Variants in KIAA0513 observed in about 807,000 individuals in gnomAD.
KIAA0513 encodes the protein KIAA0513, also known as uncharacterized protein KIAA0513.
Under a neutral mutation model 56.5 loss-of-function variants are expected in KIAA0513, and 39 were observed. That is an observed-to-expected ratio of 0.69 (90% CI 0.53 to 0.90). The LOEUF (loss-of-function observed/expected upper bound fraction) is 0.90, where lower values mean the gene tolerates loss of function less well. Among genes scored for constraint, KIAA0513 ranks in the 40% least tolerant of loss-of-function variants. The pLI is 0.00. For missense variants in KIAA0513, 591 were observed against 535.2 expected, an observed-to-expected ratio of 1.10 and a Z score of -1.03; for synonymous variants, 268 against 215.6, an observed-to-expected ratio of 1.24 and a Z score of -2.13.
chr16:85,039,215 C>G (rs541369871), intron 1 of KIAA0513, among the ~76,000 whole-genome samples: 2 of 152,362 alleles, frequency 1.3e-5, no homozygotes, highest in Admixed American at 1.3e-4. Flanking sequence ...CCTATTTTAA[C>G]CAGGCCCATT....
intron 2 of KIAA0513, among the ~76,000 whole-genome samples, chr16:85,070,187 A>AAAAAAAG (rs1555523564): frequency 6.8e-6 from 1 of 147,504 alleles, no homozygotes; most frequent in East Asian, 2.0e-4. Flanking sequence ...AAAAAAAGAA[A>AAAAAAAG]AAAGAAAGAA....
intron 1 of KIAA0513, among the ~76,000 whole-genome samples, chr16:85,053,184 C>T (rs543535960): frequency 9.9e-5 from 15 of 152,224 alleles, no homozygotes; most frequent in South Asian, 6.2e-4. Flanking sequence ...CCACCACGCC[C>T]GACCTGGATC....
chr16:85,059,464 G>A (rs2073373697), intron 1 of KIAA0513, among the ~76,000 whole-genome samples: 2 of 152,220 alleles, frequency 1.3e-5, no homozygotes, highest in Non-Finnish European at 2.9e-5. Flanking sequence ...ATAGGAGGCA[G>A]TATCCAGCTA....
At chr16:85,031,985 T>A (rs969913373) in intron 1 of KIAA0513, among the ~76,000 whole-genome samples, 8 of 152,120 alleles carry the variant, frequency 5.3e-5, no homozygotes, top group Non-Finnish European at 8.8e-5. Flanking sequence ...CACCTTTATT[T>A]CTCTCGGGAG....
intron 1 of KIAA0513, among the ~76,000 whole-genome samples, chr16:85,043,366 T>C (rs1428622330): frequency 6.6e-6 from 1 of 150,786 alleles, no homozygotes; most frequent in Non-Finnish European, 1.5e-5. Flanking sequence ...AAACAGGGCA[T>C]GAGATGGCAG....
rs548171026 is a variant in KIAA0513, at chr16:85,057,714, C to T, written c.-172-9186C>T. ...AGTCAGCCAGAGCTAGCCCGTATGC[C>T]AGTGCCTGGTTTAGAGGATCTCCAC... On this transcript the variant is annotated intron_variant, in intron 1 of 12. Transcript: ENST00000683363. Among the ~76,000 whole-genome samples the T allele has an allele frequency of 1.2e-3, 179 of 151,954 alleles. 1 individual carries two copies. Among genetic ancestry groups the T allele is most frequent in the Non-Finnish European group, 1.4e-3 (94 of 68,022 alleles).
intron 1 of KIAA0513, among the ~76,000 whole-genome samples, chr16:85,040,543 T>A (rs1025851112): frequency 6.6e-6 from 1 of 151,830 alleles, no homozygotes; most frequent in Admixed American, 6.6e-5. Flanking sequence ...AAAAAGAAAC[T>A]CCAATGTCCA....
chr16:85,082,769 C>G (rs866874520), intron 10 of KIAA0513, among the ~76,000 whole-genome samples, 176 bp downstream of exon 10: 10 of 152,200 alleles, frequency 6.6e-5, no homozygotes, highest in African/African-American at 2.4e-4. Flanking sequence ...AGCGCTAGGG[C>G]AGGCTGGCAA....
intron 1 of KIAA0513, chr16:85,063,123 T>C (rs999225707): frequency 6.6e-6 from 1 of 152,216 alleles, no homozygotes; most frequent in Non-Finnish European, 1.5e-5. Context: ...TCCTGTGATA[T>C]CGCCTCCGTG....
chr16:85,036,381 C>G (rs7195190), intron 1 of KIAA0513, among the ~76,000 whole-genome samples: 2,144 of 152,312 alleles, frequency 0.014, 57 homozygotes, highest in African/African-American at 0.05. Flanking sequence ...CAGTTTCTGA[C>G]TCTGTGGATT....
chr16:85,074,517 C>T (rs2144052212), intron 4 of KIAA0513, among the ~76,000 whole-genome samples: 1 of 152,324 alleles, frequency 6.6e-6, no homozygotes, highest in South Asian at 2.1e-4. Flanking sequence ...TGCTTCATGT[C>T]TCTCCACTTT....
In KIAA0513 at chr16:85,067,024, C is replaced by G; in HGVS notation, c.-48C>G. 1 of 1,486,888 alleles carries G rather than the reference C, an allele frequency of 6.7e-7. No homozygotes were observed. The highest frequency in any genetic ancestry group is 9.0e-7 in the Non-Finnish European group (1 of 1,114,728). 92.1% of individuals were successfully genotyped at this position (1,486,888 alleles called of 1,614,324 possible). ...GGACACCAGGCTGCTGGGCTCCCCT[C>G]TAGGCAGCCTCCCCTCCAGGCAGCC... On this transcript the variant is annotated 5_prime_UTR_variant, in exon 2 of 13. Transcript: ENST00000683363.
At chr16:85,050,896 C>T (rs67472842) in intron 1 of KIAA0513, among the ~76,000 whole-genome samples, 2,898 of 152,266 alleles carry the variant, frequency 0.019, 82 homozygotes, top group African/African-American at 0.066. Flanking sequence ...TGGTTCATGC[C>T]TGTAATCCCA....
At position 85,076,317 on chromosome 16, in the gene KIAA0513, C is replaced by A. The variant is rs956188828; in HGVS notation, c.574+403C>A. ...GTTGGAGGGTGGTGGGGAGGAGCAG[C>A]GTAGGATCTGAAGCTGCAGAGAGTT... On this transcript the variant is annotated intron_variant, in intron 5 of 12. Coordinates refer to ENST00000683363, the MANE Select transcript of KIAA0513 (RefSeq NM_001388359.1). This position sits in a 1 kb window ranked among gnomAD's most constrained non-coding sequence, Gnocchi z 4.7. Among the ~76,000 whole-genome samples the A allele has an allele frequency of 1.3e-5, 2 of 152,130 alleles. No homozygotes were observed. The highest frequency in any genetic ancestry group is 4.8e-5 in the African/African-American group (2 of 41,414).
At position 85,081,514 on chromosome 16, in the gene KIAA0513, C is replaced by T. The variant is rs1567545835; in HGVS notation, c.980+122C>T. On this transcript the variant is annotated intron_variant, in intron 9 of 12. Transcript: ENST00000683363. This position sits in a 1 kb window ranked among gnomAD's most constrained non-coding sequence, Gnocchi z 4.4. ...AGTGGACGTGTCTGTTTTTTCTTCACCCCCTCATGGCCCTGGTGCCTCGCA... is the reference window on the plus strand; with the variant it reads ...AGTGGACGTGTCTGTTTTTTCTTCATCCCCTCATGGCCCTGGTGCCTCGCA... The T allele has an allele frequency of 1.1e-6, 1 of 888,576 alleles. No homozygotes were observed. Among genetic ancestry groups the T allele is most frequent in the Non-Finnish European group, 1.8e-6 (1 of 552,240 alleles). 55.0% of individuals were successfully genotyped at this position (888,576 alleles called of 1,614,324 possible). A position where few individuals can be genotyped will look rare whatever the true frequency, so the allele number is the denominator to read the frequency against.
chr16:85,077,409 C>G lies in KIAA0513; in HGVS notation c.575-16C>G. 3 of 1,612,750 alleles carry G rather than the reference C, an allele frequency of 1.9e-6. No individual in the cohort carries two copies. In the Admixed American group the frequency reaches 5.0e-5, roughly 27 times the overall value. On this transcript the variant is annotated splice_polypyrimidine_tract_variant and intron_variant, in intron 5 of 12. Coordinates refer to ENST00000683363, the MANE Select transcript of KIAA0513 (RefSeq NM_001388359.1). ...CCAGCCTCACTGGCCTCGTCTTGTT[C>G]CCTCTCTCATCCAAGGAAAACCACA...
At chr16:85,033,533 C>T (rs2072995098) in intron 1 of KIAA0513, among the ~76,000 whole-genome samples, 1 of 152,194 alleles carries the variant, frequency 6.6e-6, no homozygotes, top group African/African-American at 2.4e-5. Flanking sequence ...TATGTAGAAG[C>T]CTCCTCCCGT....
At chr16:85,032,297 G>A (rs910987163) in intron 1 of KIAA0513, among the ~76,000 whole-genome samples, 1 of 152,144 alleles carries the variant, frequency 6.6e-6, no homozygotes, top group African/African-American at 2.4e-5. Flanking sequence ...CTCTTAAAAG[G>A]GCACCAGTCG....
At chr16:85,050,012 T>C (rs1437743987) in intron 1 of KIAA0513, among the ~76,000 whole-genome samples, 3 of 152,224 alleles carry the variant, frequency 2.0e-5, no homozygotes, top group African/African-American at 7.2e-5. Flanking sequence ...TGTGTCCTTT[T>C]GTGAAAGAAG....
Sources: allele counts gnomAD v4.1 joint callset (sites outside exome capture counted in the v4.1 genomes callset), GRCh38; gene constraint gnomAD v4.1.1; non-coding constraint Gnocchi (gnomAD v3.1); transcripts MANE v1.5; gene names NCBI Gene and HGNC (gene_info 2026-07-23, HGNC 2026-07-21).